EEIG1: variants seen among roughly 807,000 people sequenced by gnomAD.
The protein encoded by EEIG1 is estrogen-induced osteoclastogenesis regulator 1.
chr9:127,968,974 G>A, the EEIG1 span, among the ~76,000 whole-genome samples: 2 of 152,162 alleles, frequency 1.3e-5, no homozygotes, highest in Admixed American at 1.3e-4. Flanking sequence ...CATATGTACT[G>A]AGCACTTACT....
chr9:127,956,479 C>G, the EEIG1 span, among the ~76,000 whole-genome samples: 1 of 152,132 alleles, frequency 6.6e-6, no homozygotes, highest in Non-Finnish European at 1.5e-5. Flanking sequence ...GGCATAAACT[C>G]AGCTCACTGC....
At chr9:127,959,825 C>G in the EEIG1 span, among the ~76,000 whole-genome samples, 1 of 152,274 alleles carries the variant, frequency 6.6e-6, no homozygotes, top group African/African-American at 2.4e-5. Flanking sequence ...TTCGGTATTT[C>G]TTTATGGCAG....
the EEIG1 span, among the ~76,000 whole-genome samples, chr9:127,970,682 C>T: frequency 6.6e-6 from 1 of 152,152 alleles, no homozygotes; most frequent in Non-Finnish European, 1.5e-5. Context: ...CTCGGATTCA[C>T]AGCTTCTGTG....
At chr9:127,980,348 CG>C in the EEIG1 span, 1 of 521,072 alleles carries the variant, frequency 1.9e-6, no homozygotes, top group Non-Finnish European at 3.4e-6. Flanking sequence ...CTCGGGGAGC[CG>C]GGGCTCGGAG....
At chr9:127,966,615 ACT>A in the EEIG1 span, among the ~76,000 whole-genome samples, 2 of 151,908 alleles carry the variant, frequency 1.3e-5, no homozygotes, top group Non-Finnish European at 2.9e-5. Flanking sequence ...GCAAATGATC[ACT>A]CTCTCTTGCT....
At chr9:127,949,311 CAAAAA>C in the EEIG1 span, among the ~76,000 whole-genome samples, 1 of 90,160 alleles carries the variant, frequency 1.1e-5, no homozygotes, top group African/African-American at 4.8e-5. Context: ...GACTCTGTCT[CAAAAA>C]AAAAAAAAAA....
At chr9:127,971,000 G>C in the EEIG1 span, among the ~76,000 whole-genome samples, 1,591 of 152,320 alleles carry the variant, frequency 0.01, 26 homozygotes, top group African/African-American at 0.035. Flanking sequence ...CACACCAGAA[G>C]GAGCCCAAGA....
At chr9:127,945,237 T>C in the EEIG1 span, 2 of 778,842 alleles carry the variant, frequency 2.6e-6, no homozygotes, top group Admixed American at 2.9e-5. This position sits in a 1 kb window ranked among gnomAD's most constrained non-coding sequence, Gnocchi z 6.5. Flanking sequence ...CATCAGCTAG[T>C]GGAATCGTCA....
the EEIG1 span, chr9:127,948,020 A>T: frequency 7.1e-5 from 111 of 1,568,244 alleles, no homozygotes; most frequent in Non-Finnish European, 9.3e-5. Context: ...ACATGGAGGT[A>T]AACCCCTCGG....
chr9:127,967,682 C>T, the EEIG1 span, among the ~76,000 whole-genome samples: 1 of 152,204 alleles, frequency 6.6e-6, no homozygotes, highest in Non-Finnish European at 1.5e-5. Flanking sequence ...CAGGCCTGCC[C>T]ACAAGGCATT....
the EEIG1 span, among the ~76,000 whole-genome samples, chr9:127,947,083 A>G: frequency 6.6e-6 from 1 of 152,030 alleles, no homozygotes; most frequent in Non-Finnish European, 1.5e-5. Context: ...CACATTTTTC[A>G]TAACATTAGT....
chr9:127,941,614 G>C, the EEIG1 span: 1 of 152,274 alleles, frequency 6.6e-6, no homozygotes, highest in African/African-American at 2.4e-5. Context: ...CCCAATGCCA[G>C]GGAGTTCCAA....
the EEIG1 span, among the ~76,000 whole-genome samples, chr9:127,971,524 G>A: frequency 2.0e-5 from 3 of 150,358 alleles, no homozygotes; most frequent in African/African-American, 7.4e-5. Flanking sequence ...CTGACACCTC[G>A]GGCCTGAAGA....
At chr9:127,974,519 C>T in the EEIG1 span, among the ~76,000 whole-genome samples, 1 of 152,222 alleles carries the variant, frequency 6.6e-6, no homozygotes, top group African/African-American at 2.4e-5. Flanking sequence ...GGAAGGGTCA[C>T]TTCTTCCAGG....
At chr9:127,945,778 G>C in the EEIG1 span, 1 of 1,493,814 alleles carries the variant, frequency 6.7e-7, no homozygotes, top group Admixed American at 2.0e-5. This position sits in a 1 kb window ranked among gnomAD's most constrained non-coding sequence, Gnocchi z 6.5. Flanking sequence ...GGGGCAGGGG[G>C]TGAGGTGACA....
At chr9:127,969,028 C>T in the EEIG1 span, among the ~76,000 whole-genome samples, 1 of 152,244 alleles carries the variant, frequency 6.6e-6, no homozygotes, top group Non-Finnish European at 1.5e-5. Context: ...ATCCCAAGAG[C>T]CTGGCCTTGG....
the EEIG1 span, among the ~76,000 whole-genome samples, chr9:127,956,731 T>TA: frequency 3.3e-5 from 5 of 151,576 alleles, no homozygotes; most frequent in East Asian, 2.0e-4. Context: ...TTATTATTAT[T>TA]TGAGACAGAG....
the EEIG1 span, among the ~76,000 whole-genome samples, chr9:127,967,984 T>A: frequency 6.7e-6 from 1 of 150,232 alleles, no homozygotes; most frequent in East Asian, 1.9e-4. Context: ...GGTCTTTTTT[T>A]TTTTTTTTTT....
At chr9:127,949,195 T>C in the EEIG1 span, among the ~76,000 whole-genome samples, 1 of 150,686 alleles carries the variant, frequency 6.6e-6, no homozygotes, top group Non-Finnish European at 1.5e-5. Context: ...GCACCTGTAG[T>C]CCCAGCTACT....
Sources: gnomAD v4.1 joint callset for allele counts (sites outside exome capture counted in the v4.1 genomes callset) on GRCh38, gnomAD v4.1.1 for gene constraint, Gnocchi (gnomAD v3.1) non-coding constraint, MANE v1.5 for transcripts, NCBI Gene and HGNC (gene_info 2026-07-23, HGNC 2026-07-21) for gene names.